Variants in EYS observed in about 807,000 individuals in gnomAD.
The protein encoded by EYS is protein eyes shut homolog.
In EYS, 250 loss-of-function variants were observed where a neutral mutation model predicts 282.1. The ratio of observed to expected loss-of-function variants is 0.89; its 90% CI spans 0.80 to 0.98. The LOEUF (loss-of-function observed/expected upper bound fraction) is 0.98. Ranked by LOEUF, EYS falls within the 50% of genes least tolerant of loss-of-function variation. The pLI is 0.00. For synonymous variants in EYS, 1,355 were observed against 1,282.9 expected (o/e 1.06, Z -1.20); for missense variants, 4,016 against 3,709.0 (o/e 1.08, Z -2.15).
At chr6:64,659,790 C>T (rs1192850465) in intron 22 of EYS, among the ~76,000 whole-genome samples, 2 of 152,030 alleles carry the variant, frequency 1.3e-5, no homozygotes, top group East Asian at 1.9e-4. Context: ...GATTCACAGC[C>T]GAATTCTACC....
At chr6:65,636,988 T>A (rs1767110168) in intron 2 of EYS, among the ~76,000 whole-genome samples, 1 of 152,090 alleles carries the variant, frequency 6.6e-6, no homozygotes, top group Admixed American at 6.5e-5. Flanking sequence ...TGTTGTTTTT[T>A]TAAAAAATTT....
intron 22 of EYS, among the ~76,000 whole-genome samples, chr6:64,786,125 G>A (rs1774008028): frequency 6.6e-6 from 1 of 151,738 alleles, no homozygotes; most frequent in Non-Finnish European, 1.5e-5. Flanking sequence ...TTTACAATGA[G>A]CCCATCTAGC....
chr6:65,436,595 C>A (rs1768083801), intron 5 of EYS, among the ~76,000 whole-genome samples: 1 of 152,140 alleles, frequency 6.6e-6, no homozygotes, highest in Non-Finnish European at 1.5e-5. Flanking sequence ...TGTGACACAG[C>A]AGTATTCTGC....
At chr6:64,425,829 G>C (rs544217613) in intron 28 of EYS, among the ~76,000 whole-genome samples, 27 of 152,118 alleles carry the variant, frequency 1.8e-4, no homozygotes, top group African/African-American at 6.5e-4. Flanking sequence ...GTAGACAATA[G>C]TGTTATTTGC....
At chr6:64,094,660 A>C (rs1772516494) in intron 31 of EYS, among the ~76,000 whole-genome samples, 1 of 152,118 alleles carries the variant, frequency 6.6e-6, no homozygotes, top group Admixed American at 6.5e-5. Flanking sequence ...CTTCTGTATT[A>C]ATCTTGCTAG....
chr6:64,523,448 G>A (rs553376149), intron 26 of EYS, among the ~76,000 whole-genome samples: 3 of 151,744 alleles, frequency 2.0e-5, no homozygotes, highest in Admixed American at 6.6e-5. Context: ...ATTAGTACTC[G>A]CATACACAAT....
At chr6:64,444,502 T>C (rs1461831816) in intron 26 of EYS, among the ~76,000 whole-genome samples, 1 of 152,216 alleles carries the variant, frequency 6.6e-6, no homozygotes, top group Non-Finnish European at 1.5e-5. Flanking sequence ...TAGACTAAAT[T>C]TTAAAAAATT....
intron 12 of EYS, among the ~76,000 whole-genome samples, chr6:65,289,718 A>G (rs1768469637): frequency 6.6e-6 from 1 of 151,124 alleles, no homozygotes; most frequent in East Asian, 1.9e-4. Context: ...TTACTAACAA[A>G]TCATAGCAGT....
intron 31 of EYS, among the ~76,000 whole-genome samples, chr6:64,194,883 G>C (rs971031331): frequency 6.6e-6 from 1 of 152,098 alleles, no homozygotes; most frequent in African/African-American, 2.4e-5. Flanking sequence ...TTAAGTCTGT[G>C]CAAGAGTTTG....
At chr6:64,416,215 T>C (rs1343026755) in intron 28 of EYS, among the ~76,000 whole-genome samples, 3 of 152,328 alleles carry the variant, frequency 2.0e-5, no homozygotes, top group East Asian at 1.9e-4. Context: ...GAATTTGTGT[T>C]TTTGCTTGTA....
chr6:64,640,697 T>C (rs1420901429), intron 22 of EYS, among the ~76,000 whole-genome samples: 1 of 152,172 alleles, frequency 6.6e-6, no homozygotes, highest in Non-Finnish European at 1.5e-5. Context: ...TGTGCACATG[T>C]ACCCTAAAAC....
At chr6:64,835,845 T>G (rs1765366696) in intron 19 of EYS, among the ~76,000 whole-genome samples, 1 of 151,498 alleles carries the variant, frequency 6.6e-6, no homozygotes, top group Non-Finnish European at 1.5e-5. Flanking sequence ...CTCGAGACAA[T>G]GAGTGCAGTA....
chr6:65,112,401 C>T (rs555231229), intron 12 of EYS, among the ~76,000 whole-genome samples: 6 of 151,980 alleles, frequency 3.9e-5, no homozygotes, highest in African/African-American at 7.3e-5. Flanking sequence ...TTTCAACTTG[C>T]GACCATGGCC....
intron 2 of EYS, among the ~76,000 whole-genome samples, chr6:65,577,256 T>A (rs570208800): frequency 6.6e-6 from 1 of 151,780 alleles, no homozygotes; most frequent in African/African-American, 2.4e-5. Context: ...TGGAACAGAA[T>A]AGAAACTCCA....
At chr6:65,582,029 A>AT (rs1764889561) in intron 2 of EYS, among the ~76,000 whole-genome samples, 2 of 150,228 alleles carry the variant, frequency 1.3e-5, no homozygotes, top group African/African-American at 4.9e-5. Context: ...TTCTACTAAA[A>AT]ATATATATAT....
At chr6:64,057,396 A>ATTTTTTT (rs755108636) in intron 33 of EYS, among the ~76,000 whole-genome samples, 2 of 149,922 alleles carry the variant, frequency 1.3e-5, no homozygotes, top group African/African-American at 4.9e-5. Context: ...TTTTTTTTTA[A>ATTTTTTT]AAATAGAATG....
chr6:64,592,396 T>A (rs561033187), intron 25 of EYS, among the ~76,000 whole-genome samples: 1 of 152,180 alleles, frequency 6.6e-6, no homozygotes, highest in Non-Finnish European at 1.5e-5. Flanking sequence ...AAATGTTCTG[T>A]TTATATTAGA....
At chr6:64,812,264 C>T (rs1764620652) in intron 22 of EYS, among the ~76,000 whole-genome samples, 1 of 151,070 alleles carries the variant, frequency 6.6e-6, no homozygotes, top group Non-Finnish European at 1.5e-5. Context: ...CACACACACA[C>T]ACACAGGTAC....
At chr6:64,186,962 C>T (rs1356294477) in intron 31 of EYS, among the ~76,000 whole-genome samples, 1 of 152,116 alleles carries the variant, frequency 6.6e-6, no homozygotes, top group Non-Finnish European at 1.5e-5. Context: ...ACACACACTT[C>T]TTTTCATGAC....
Sources: allele counts gnomAD v4.1 joint callset (sites outside exome capture counted in the v4.1 genomes callset), GRCh38; gene constraint gnomAD v4.1.1; transcripts MANE v1.5; gene names NCBI Gene and HGNC (gene_info 2026-07-23, HGNC 2026-07-21).